Variants in EFNA5 observed in about 807,000 individuals in gnomAD.
EFNA5 encodes ephrin A5.
In EFNA5, 5 loss-of-function variants were observed where a neutral mutation model predicts 22.9. That is an observed-to-expected ratio of 0.22 (90% CI 0.11 to 0.46). The LOEUF is 0.46. EFNA5 is among the 20% of genes least tolerant of loss of function. EFNA5 has a pLI of 0.99. For missense variants in EFNA5, 237 were observed against 293.3 expected (o/e 0.81, Z 1.40); for synonymous variants, 113 against 112.2 (o/e 1.01, Z -0.04).
intron 1 of EFNA5, among the ~76,000 whole-genome samples, chr5:107,431,432 G>A (rs189396307): frequency 5.3e-5 from 8 of 152,242 alleles, no homozygotes; most frequent in Admixed American, 4.6e-4. Context: ...ACATAAGTAT[G>A]GCTAATATTA....
rs191287592 is a variant in EFNA5 at position 107,498,567 on chromosome 5, A to C, written c.126-71058T>G. Among the ~76,000 whole-genome samples the C allele has an allele frequency of 6.0e-4, 92 of 152,344 alleles. 1 individual carries two copies. Among genetic ancestry groups the C allele is most frequent in the Non-Finnish European group, 1.2e-4 (8 of 68,024 alleles). On this transcript the variant is annotated intron_variant, in intron 1 of 4. Transcript: ENST00000333274. ...TATGCAGATAGTGCCACAATGGACA[A>C]ACAAACATATCACACATCGCCTCGG...
chr5:107,490,184 G>A (rs1022338935), intron 1 of EFNA5, among the ~76,000 whole-genome samples: 2 of 152,206 alleles, frequency 1.3e-5, no homozygotes, highest in Non-Finnish European at 2.9e-5. Flanking sequence ...GTGCTTGGGT[G>A]TTCTGTCTCA....
chr5:107,485,346 T>C (rs1405589278), intron 1 of EFNA5, among the ~76,000 whole-genome samples: 1 of 152,204 alleles, frequency 6.6e-6, no homozygotes, highest in African/African-American at 2.4e-5. Context: ...TATACACACA[T>C]TTCACAGTAG....
chr5:107,560,129 T>G (rs557272390), intron 1 of EFNA5, among the ~76,000 whole-genome samples: 4 of 152,252 alleles, frequency 2.6e-5, no homozygotes, highest in African/African-American at 9.6e-5. Flanking sequence ...AAGCTTCTTA[T>G]GCTGAAAGTT....
intron 1 of EFNA5, among the ~76,000 whole-genome samples, chr5:107,653,186 C>G (rs1393861602): frequency 6.6e-6 from 1 of 152,096 alleles, no homozygotes; most frequent in Non-Finnish European, 1.5e-5. Context: ...CTTGAGAAGA[C>G]AGCATCACTG....
At chr5:107,617,831 A>C (rs528750410) in intron 1 of EFNA5, among the ~76,000 whole-genome samples, 1 of 152,110 alleles carries the variant, frequency 6.6e-6, no homozygotes, top group Non-Finnish European at 1.5e-5. Context: ...CATCTACTTA[A>C]AGTAAGTGGA....
At chr5:107,481,368 CAGG>C (rs1387682429) in intron 1 of EFNA5, among the ~76,000 whole-genome samples, 5 of 152,136 alleles carry the variant, frequency 3.3e-5, no homozygotes, top group African/African-American at 9.7e-5. Context: ...CAGGATCCAG[CAGG>C]AGGAGATCAC....
rs189809042 is a variant in EFNA5 at position 107,465,345 on chromosome 5, T to A, written c.126-37836A>T. 1.1e-3 allele frequency among the ~76,000 whole-genome samples: 173 copies of A among 152,286 alleles called. 1 individual carries two copies. The highest frequency in any genetic ancestry group is 3.2e-3 in the African/African-American group (134 of 41,568). On this transcript the variant is annotated intron_variant, in intron 1 of 4. Transcript: ENST00000333274. ...CAACCCAAAGTCATTTCTCCCTGTT[T>A]CCTAGATCTTGTTCTGTCACAACTT...
intron 1 of EFNA5, among the ~76,000 whole-genome samples, chr5:107,520,193 T>C (rs1747564238): frequency 6.6e-6 from 1 of 152,156 alleles, no homozygotes; most frequent in East Asian, 1.9e-4. Context: ...ACTGGTCTCA[T>C]GTACTGTACC....
chr5:107,655,317 A>G (rs568228158), intron 1 of EFNA5, among the ~76,000 whole-genome samples: 1 of 152,260 alleles, frequency 6.6e-6, no homozygotes, highest in South Asian at 2.1e-4. Flanking sequence ...CCAATTTAGC[A>G]GGAAAAAAGA....
intron 1 of EFNA5, among the ~76,000 whole-genome samples, chr5:107,569,139 G>A (rs1478226211): frequency 1.3e-5 from 2 of 151,808 alleles, no homozygotes; most frequent in African/African-American, 2.4e-5. Context: ...CAGAGATCCA[G>A]GAAACAAGAA....
chr5:107,442,799 G>A (rs1326627607), intron 1 of EFNA5, among the ~76,000 whole-genome samples: 1 of 150,504 alleles, frequency 6.6e-6, no homozygotes, highest in Non-Finnish European at 1.5e-5. Flanking sequence ...TCTCTTTTTG[G>A]TTTTCTGGAT....
intron 1 of EFNA5, among the ~76,000 whole-genome samples, chr5:107,465,787 G>A (rs999825870): frequency 6.6e-6 from 1 of 151,770 alleles, no homozygotes; most frequent in Non-Finnish European, 1.5e-5. Flanking sequence ...TATCACGAGG[G>A]GAGAAAAAGG....
At chr5:107,636,484 G>A (rs891544675) in intron 1 of EFNA5, among the ~76,000 whole-genome samples, 5 of 152,190 alleles carry the variant, frequency 3.3e-5, no homozygotes, top group African/African-American at 1.2e-4. Context: ...GCCATGACAA[G>A]TTTTAACCAA....
At chr5:107,642,482 C>G (rs1325913478) in intron 1 of EFNA5, among the ~76,000 whole-genome samples, 1 of 144,014 alleles carries the variant, frequency 6.9e-6, no homozygotes, top group Non-Finnish European at 1.5e-5. Context: ...AAAAAAAAAG[C>G]CAAGGAATGT....
intron 1 of EFNA5, among the ~76,000 whole-genome samples, chr5:107,608,948 T>C (rs563104365): frequency 2.0e-5 from 3 of 152,350 alleles, no homozygotes; most frequent in African/African-American, 7.2e-5. Flanking sequence ...GGCTTTCTAA[T>C]TGTGATATAT....
chr5:107,548,083 C>G (rs777965830), intron 1 of EFNA5, among the ~76,000 whole-genome samples: 9 of 152,142 alleles, frequency 5.9e-5, no homozygotes, highest in Non-Finnish European at 1.3e-4. Context: ...CCATAAAAAT[C>G]AAGTGATTTG....
At chr5:107,539,935 A>G (rs1009830719) in intron 1 of EFNA5, among the ~76,000 whole-genome samples, 1 of 152,182 alleles carries the variant, frequency 6.6e-6, no homozygotes, top group Non-Finnish European at 1.5e-5. Flanking sequence ...TTGAAGTCAC[A>G]CCTTAGCTGG....
At chr5:107,485,549 TC>T (rs1204582470) in intron 1 of EFNA5, among the ~76,000 whole-genome samples, 1 of 152,200 alleles carries the variant, frequency 6.6e-6, no homozygotes, top group Non-Finnish European at 1.5e-5. Flanking sequence ...AGTGAATTGA[TC>T]TGTTAGCTTT....
Sources: gnomAD v4.1 joint callset for allele counts (sites outside exome capture counted in the v4.1 genomes callset) on GRCh38, gnomAD v4.1.1 for gene constraint, MANE v1.5 for transcripts, NCBI Gene and HGNC (gene_info 2026-07-23, HGNC 2026-07-21) for gene names.